Variants in NRXN2 observed in about 807,000 individuals in gnomAD.
The protein encoded by NRXN2 is neurexin-2-beta.
A neutral mutation model predicts 128.8 loss-of-function variants in NRXN2; 29 were observed. The ratio of observed to expected loss-of-function variants is 0.23; its 90% CI spans 0.17 to 0.31. NRXN2 has a LOEUF of 0.31. NRXN2 is among the 10% of genes least tolerant of loss of function. The pLI, the probability that NRXN2 is intolerant of heterozygous loss-of-function variation, is 1.00. For missense variants in NRXN2, 1,881 were observed against 2,452.6 expected (o/e 0.77, Z 4.92); for synonymous variants, 1,098 against 1,075.2 (o/e 1.02, Z -0.41).
At chr11:64,705,110 C>A (rs1034437458) in intron 2 of NRXN2, among the ~76,000 whole-genome samples, 1 of 152,220 alleles carries the variant, frequency 6.6e-6, no homozygotes, top group Admixed American at 6.5e-5. Context: ...CCTCAGCACA[C>A]ACTAGCTTAA....
Position 64,690,491 on chromosome 11 carries a change from T to A in NRXN2, c.779-15A>T, listed in dbSNP as rs368920727. 9 of 1,611,174 alleles carry A rather than the reference T, an allele frequency of 5.6e-6. No individual in the cohort carries two copies. The highest frequency in any genetic ancestry group is 2.2e-5 in the South Asian group (2 of 90,572). ...TAAGGACCCTACTGGAGAAGCAGAA[T>A]TGGGGAGTCAGGCACAGGGGGTACC... On this transcript the variant is annotated splice_polypyrimidine_tract_variant and intron_variant, in intron 4 of 22. Coordinates refer to ENST00000265459, the MANE Select transcript of NRXN2 (RefSeq NM_015080.4).
intron 19 of NRXN2, among the ~76,000 whole-genome samples, chr11:64,626,879 C>T (rs1475789695): frequency 6.6e-6 from 1 of 152,184 alleles, no homozygotes; most frequent in Non-Finnish European, 1.5e-5. Context: ...GCTGCTGTGG[C>T]CCCCTTCCTT....
At position 64,660,320 on chromosome 11, in the gene NRXN2, C is replaced by T; in HGVS notation, c.2389+12G>A. On this transcript the variant is annotated intron_variant, in intron 11 of 22. Transcript: ENST00000265459. This position sits in a 1 kb window ranked among gnomAD's most constrained non-coding sequence, Gnocchi z 5.2. Reference sequence around the variant, plus strand: ...AGGTGAGGGGTCAGGAAGCACAGGGCAGGGTGGTTACCGAGGTTGACAGTG... The same window carrying T: ...AGGTGAGGGGTCAGGAAGCACAGGGTAGGGTGGTTACCGAGGTTGACAGTG... 6.2e-7 allele frequency: 1 copy of T among 1,612,592 alleles called. No individual in the cohort carries two copies. The highest frequency in any genetic ancestry group is 8.5e-7 in the Non-Finnish European group (1 of 1,179,710).
chr11:64,620,333 T>C lies in NRXN2; in HGVS notation c.4213A>G (p.Ser1405Gly). 6.4e-7 allele frequency: 1 copy of C among 1,554,538 alleles called. No individual in the cohort carries two copies. The highest frequency in any genetic ancestry group is 8.7e-7 in the Non-Finnish European group (1 of 1,148,526). The change falls in exon 22 of 23, where the codon AGC becomes GGC. Residue 1405 changes from serine to glycine, a missense_variant. Coordinates refer to ENST00000265459, the MANE Select transcript of NRXN2 (RefSeq NM_015080.4). ...DLLVASAECP[S>G]DDEDLEECEP... is the part of the protein sequence containing the mutation. ...CACTCCTCCAGGTCCTCATCATCGC[T>C]TGGACACTCAGCAGAGGCCACCAGC...
At position 64,714,075 on chromosome 11, in the gene NRXN2, C is replaced by G. The variant is rs541651391; in HGVS notation, c.-244-132G>C. On this transcript the variant is annotated intron_variant, in intron 1 of 22. Coordinates refer to ENST00000265459, the MANE Select transcript of NRXN2 (RefSeq NM_015080.4). This position sits in a 1 kb window ranked among gnomAD's most constrained non-coding sequence, Gnocchi z 4.5. Reference sequence around the variant, plus strand: ...GTTTCCCTGCAGAACTTAGAGAGGCCCTGACCTGCAGAGGGTCCCGAGGCA... The same window carrying G: ...GTTTCCCTGCAGAACTTAGAGAGGCGCTGACCTGCAGAGGGTCCCGAGGCA... 6.6e-6 allele frequency: 1 copy of G among 152,602 alleles called. No homozygotes were observed. The highest frequency in any genetic ancestry group is 1.5e-5 in the Non-Finnish European group (1 of 68,350). 9.5% of individuals were successfully genotyped at this position (152,602 alleles called of 1,614,324 possible).
At chr11:64,638,243 C>T (rs1028177101) in intron 17 of NRXN2, among the ~76,000 whole-genome samples, 2 of 152,220 alleles carry the variant, frequency 1.3e-5, no homozygotes, top group South Asian at 4.1e-4. Flanking sequence ...TTACGCTGGG[C>T]GGGTCTGTTA....
intron 21 of NRXN2, 121 bp from the exon 22 acceptor site, chr11:64,620,493 G>A: frequency 1.3e-6 from 1 of 771,052 alleles, no homozygotes; most frequent in Non-Finnish European, 2.2e-6. Flanking sequence ...GGACCAGACT[G>A]GTCTGAGTCC....
Position 64,714,171 on chromosome 11 carries a change from G to A in NRXN2, c.-244-228C>T, listed in dbSNP as rs2057206566. On this transcript the variant is annotated intron_variant, in intron 1 of 22. Transcript: ENST00000265459. This position sits in a 1 kb window ranked among gnomAD's most constrained non-coding sequence, Gnocchi z 4.5. The stretch of plus-strand genomic sequence containing the variant: ...ACTAGGGGCAGCATTGGTTTGAGAT[G>A]TGGACAGGGAGAGGTGACACGTTCG... 6.6e-6 allele frequency among the ~76,000 whole-genome samples: 1 copy of A among 151,508 alleles called. No homozygotes were observed. The highest frequency in any genetic ancestry group is 1.5e-5 in the Non-Finnish European group (1 of 67,886).
At chr11:64,664,784 G>A (rs1010074830) in intron 9 of NRXN2, among the ~76,000 whole-genome samples, 6 of 151,776 alleles carry the variant, frequency 4.0e-5, no homozygotes, top group Non-Finnish European at 8.8e-5. Flanking sequence ...AAGGTCAGGA[G>A]TTCGAGACCA....
At chr11:64,634,486 G>A (rs147885677) in intron 18 of NRXN2, among the ~76,000 whole-genome samples, 218 of 152,258 alleles carry the variant, frequency 1.4e-3, no homozygotes, top group African/African-American at 4.4e-3. Flanking sequence ...ACTCAAAACG[G>A]TGAGTCAAGG....
Position 64,708,249 on chromosome 11 carries a change from G to A in NRXN2, c.730+4721C>T, listed in dbSNP as rs551330839. On this transcript the variant is annotated intron_variant, in intron 2 of 22. Transcript: ENST00000265459. Reference sequence around the variant, plus strand: ...CTATCACAAAACACATGAGACACGTGTGTCTACCTCCCTGCAAGCACACAC... The same window carrying A: ...CTATCACAAAACACATGAGACACGTATGTCTACCTCCCTGCAAGCACACAC... Among the ~76,000 whole-genome samples the A allele has an allele frequency of 2.0e-5, 3 of 152,276 alleles. No homozygotes were observed. The South Asian group carries it at 6.2e-4, about 32-fold the overall frequency.
In NRXN2 at chr11:64,660,667, C is replaced by T. The variant is rs534886771; in HGVS notation, c.2185+86G>A. On this transcript the variant is annotated intron_variant, in intron 10 of 22. Coordinates refer to ENST00000265459, the MANE Select transcript of NRXN2 (RefSeq NM_015080.4). The surrounding 1 kb of genome is among the most constrained non-coding windows in gnomAD (Gnocchi z 5.2). ...GAGGGGTTCCCCTAGGAGGAGGTGG[C>T]ACAGGGATGGAAAGTAGGAGTCACC... The T allele has an allele frequency of 5.9e-5, 95 of 1,598,318 alleles. No homozygotes were observed. In the South Asian group the frequency reaches 8.5e-4, roughly 14 times the overall value.
chr11:64,633,613 G>A (rs1449914622), intron 18 of NRXN2, among the ~76,000 whole-genome samples: 1 of 152,082 alleles, frequency 6.6e-6, no homozygotes, highest in Non-Finnish European at 1.5e-5. Flanking sequence ...CACCCAGAAA[G>A]GCAATTGAAA....
chr11:64,668,971 T>C (rs1332280042), intron 7 of NRXN2, among the ~76,000 whole-genome samples: 1 of 151,992 alleles, frequency 6.6e-6, no homozygotes, highest in Non-Finnish European at 1.5e-5. Flanking sequence ...ACAGGATGGG[T>C]GCAAATGGCA....
chr11:64,701,493 C>G (rs1366481012), intron 2 of NRXN2, among the ~76,000 whole-genome samples: 1 of 152,200 alleles, frequency 6.6e-6, no homozygotes, highest in African/African-American at 2.4e-5. Flanking sequence ...AATCCCAGCA[C>G]TTTGGGAAGC....
chr11:64,611,868 C>G (rs569372911), intron 22 of NRXN2, among the ~76,000 whole-genome samples: 1 of 152,050 alleles, frequency 6.6e-6, no homozygotes, highest in East Asian at 1.9e-4. Context: ...TTTGACTGTA[C>G]GATCTCCTGA....
intron 8 of NRXN2, among the ~76,000 whole-genome samples, 169 bp downstream of exon 8, chr11:64,668,274 C>A (rs999366211): frequency 6.6e-6 from 1 of 152,162 alleles, no homozygotes; most frequent in Non-Finnish European, 1.5e-5. Context: ...AGGGGAGAAG[C>A]CTCTTGATGG....
chr11:64,633,163 G>T (rs2044176928), intron 18 of NRXN2, among the ~76,000 whole-genome samples: 1 of 152,174 alleles, frequency 6.6e-6, no homozygotes. Context: ...GCACCTTTAA[G>T]GCCTGTTCAC....
chr11:64,681,425 G>A (rs1013110808), intron 6 of NRXN2, among the ~76,000 whole-genome samples: 6 of 152,168 alleles, frequency 3.9e-5, no homozygotes, highest in African/African-American at 4.8e-5. Flanking sequence ...TCAAATACAC[G>A]TTTCCAAGGG....
Sources: gnomAD v4.1 joint callset for allele counts (sites outside exome capture counted in the v4.1 genomes callset) on GRCh38, gnomAD v4.1.1 for gene constraint, Gnocchi (gnomAD v3.1) non-coding constraint, MANE v1.5 for transcripts, NCBI Gene and HGNC (gene_info 2026-07-23, HGNC 2026-07-21) for gene names.